Variants in R3HDM2 observed in about 807,000 individuals in gnomAD.
The protein encoded by R3HDM2 is R3H domain containing 2.
A neutral mutation model predicts 124.5 loss-of-function variants in R3HDM2; 38 were observed. The ratio of observed to expected loss-of-function variants is 0.31; its 90% CI spans 0.24 to 0.40. The LOEUF (loss-of-function observed/expected upper bound fraction) is 0.40, where lower values mean the gene tolerates loss of function less well. Among genes scored for constraint, R3HDM2 ranks in the 10% least tolerant of loss-of-function variants. The pLI, the probability that R3HDM2 is intolerant of heterozygous loss-of-function variation, is 1.00. For missense variants in R3HDM2, 869 were observed against 1,236.9 expected, an observed-to-expected ratio of 0.70 and a Z score of 4.46; for synonymous variants, 391 against 448.0, an observed-to-expected ratio of 0.87 and a Z score of 1.61.
chr12:57,307,422 G>C (rs1192191667), intron 3 of R3HDM2, among the ~76,000 whole-genome samples: 2 of 149,530 alleles, frequency 1.3e-5, no homozygotes, highest in Non-Finnish European at 3.0e-5. Context: ...AGGGGTTCAA[G>C]TGATTCTCCT....
intron 1 of R3HDM2, among the ~76,000 whole-genome samples, chr12:57,426,193 A>AC (rs1409821987): frequency 6.6e-6 from 1 of 152,136 alleles, no homozygotes; most frequent in South Asian, 2.1e-4. Context: ...ACACCATTGC[A>AC]CTCCAGCTTG....
intron 2 of R3HDM2, among the ~76,000 whole-genome samples, chr12:57,346,648 T>C (rs139115662): frequency 4.0e-4 from 61 of 152,244 alleles, no homozygotes; most frequent in African/African-American, 1.4e-3. Flanking sequence ...AGATCTGCAC[T>C]AAAAGAATGG....
chr12:57,430,489 G>GGC, intron 1 of R3HDM2: 56 of 790,556 alleles, frequency 7.1e-5, no homozygotes, highest in Non-Finnish European at 8.0e-5. Flanking sequence ...CCACCCCCCT[G>GGC]CCCCCGCACC....
chr12:57,374,179 G>A (rs1256173900), intron 2 of R3HDM2, among the ~76,000 whole-genome samples: 2 of 151,914 alleles, frequency 1.3e-5, no homozygotes, highest in African/African-American at 2.4e-5. Flanking sequence ...ATGAAAATAC[G>A]ATGTAATAAT....
intron 14 of R3HDM2, 105 bp downstream of exon 14, chr12:57,280,253 A>G (rs954701846): frequency 8.0e-7 from 1 of 1,244,818 alleles, no homozygotes. Context: ...GCATGTCTCC[A>G]AAAACTGATC....
At chr12:57,279,707 T>C (rs748799810) in intron 14 of R3HDM2, among the ~76,000 whole-genome samples, 1 of 152,102 alleles carries the variant, frequency 6.6e-6, no homozygotes, top group Non-Finnish European at 1.5e-5. Context: ...ACTGAAGTTC[T>C]GGTTTAGAAC....
intron 2 of R3HDM2, among the ~76,000 whole-genome samples, chr12:57,373,665 G>T (rs992003099): frequency 2.6e-5 from 4 of 151,254 alleles, no homozygotes; most frequent in Non-Finnish European, 5.9e-5. Flanking sequence ...CAAACTTAGC[G>T]GGGGGTGGTG....
chr12:57,320,289 G>A (rs184611833), intron 2 of R3HDM2, among the ~76,000 whole-genome samples: 367 of 25,100 alleles, frequency 0.015, no homozygotes, highest in Non-Finnish European at 0.024. Flanking sequence ...AAAAAAAAAA[G>A]CCTTAAACAG....
Position 57,258,085 on chromosome 12 carries a change from G to T in R3HDM2, c.2354C>A (p.Ala785Glu), listed in dbSNP as rs1213751057. ...SPVTSPTQSP[A>E]PSPVTSLSSV... ...GCTGAGGCTGGTGACAGGAGAGGGT[G>T]CTGGAGACTGGGTAGGAGATGTGAC... is the stretch of plus-strand genomic sequence containing the variant. The change falls in exon 21 of 24, where the codon GCA (alanine) becomes GAA (glutamate). Residue 785 changes from alanine to glutamate, a missense_variant. Around this residue, in one of 2 missense-constraint regions of R3HDM2, gnomAD observed 602 missense variants for 789.2 expected, o/e 0.76. Transcript: ENST00000402412. The T allele has an allele frequency of 1.3e-6, 2 of 1,597,130 alleles. No homozygotes were observed. The highest frequency in any genetic ancestry group is 1.7e-5 in the Admixed American group (1 of 58,336).
chr12:57,259,413 G>A (rs1328371805), intron 19 of R3HDM2, among the ~76,000 whole-genome samples: 1 of 152,238 alleles, frequency 6.6e-6, no homozygotes. Context: ...TACGGGTCCA[G>A]GTCTGGGCCA....
At chr12:57,426,419 C>T (rs374045047) in intron 1 of R3HDM2, among the ~76,000 whole-genome samples, 1 of 152,050 alleles carries the variant, frequency 6.6e-6, no homozygotes, top group Non-Finnish European at 1.5e-5. Flanking sequence ...TTAGAGAAAC[C>T]TATTCTTAAA....
At chr12:57,351,170 C>T (rs1481332665) in intron 2 of R3HDM2, among the ~76,000 whole-genome samples, 1 of 151,958 alleles carries the variant, frequency 6.6e-6, no homozygotes, top group African/African-American at 2.4e-5. Context: ...AGAAGGCTGA[C>T]GTGGAAGGAC....
chr12:57,313,623 T>A (rs2054383309), intron 2 of R3HDM2, among the ~76,000 whole-genome samples: 1 of 150,896 alleles, frequency 6.6e-6, no homozygotes, highest in Non-Finnish European at 1.5e-5. Context: ...CTCATGCCTG[T>A]AATCTTAGCA....
intron 1 of R3HDM2, among the ~76,000 whole-genome samples, chr12:57,396,070 G>T (rs2067455097): frequency 6.6e-6 from 1 of 151,996 alleles, no homozygotes; most frequent in African/African-American, 2.4e-5. Flanking sequence ...AGCAGTTCTT[G>T]GCCTACCACT....
At chr12:57,417,186 C>T (rs1454873732) in intron 1 of R3HDM2, among the ~76,000 whole-genome samples, 9 of 150,856 alleles carry the variant, frequency 6.0e-5, no homozygotes, top group Non-Finnish European at 8.9e-5. Context: ...GGTGGATCAC[C>T]TTAGGTCAAG....
At chr12:57,310,900 T>C (rs1444164894) in intron 2 of R3HDM2, among the ~76,000 whole-genome samples, 1 of 152,174 alleles carries the variant, frequency 6.6e-6, no homozygotes, top group Non-Finnish European at 1.5e-5. Context: ...CTGGACTCTT[T>C]TACTCAGCAT....
intron 2 of R3HDM2, among the ~76,000 whole-genome samples, chr12:57,332,045 T>C (rs868839726): frequency 1.3e-4 from 19 of 151,964 alleles, no homozygotes; most frequent in African/African-American, 4.3e-4. Flanking sequence ...GATTGTACCA[T>C]TGGATTCCAG....
At chr12:57,286,827 G>A (rs528891167) in intron 12 of R3HDM2, among the ~76,000 whole-genome samples, 54 of 152,134 alleles carry the variant, frequency 3.5e-4, no homozygotes, top group South Asian at 1.9e-3. Context: ...GCGGTGAGCC[G>A]AGATCATGCC....
intron 2 of R3HDM2, among the ~76,000 whole-genome samples, chr12:57,337,839 A>C (rs2059057760): frequency 6.6e-6 from 1 of 152,258 alleles, no homozygotes; most frequent in Non-Finnish European, 1.5e-5. Context: ...TAATAGCAGC[A>C]GCTATCATTT....
Sources: gnomAD v4.1 joint callset for allele counts (sites outside exome capture counted in the v4.1 genomes callset) on GRCh38, gnomAD v4.1.1 for gene constraint, gnomAD v4.1.1 regional missense constraint, MANE v1.5 for transcripts, NCBI Gene and HGNC (gene_info 2026-07-23, HGNC 2026-07-21) for gene names.